Variants in WDPCP observed in about 807,000 individuals in gnomAD.
WDPCP encodes WD repeat containing planar cell polarity effector.
A neutral mutation model predicts 93.1 loss-of-function variants in WDPCP; 71 were observed. That is an observed-to-expected ratio of 0.76 (90% CI 0.63 to 0.93). WDPCP has a LOEUF of 0.93. WDPCP is among the 40% of genes least tolerant of loss of function. The probability of loss-of-function intolerance (pLI) is 0.00; values close to 1 mark genes in which losing one functional copy is unlikely to be tolerated. For missense variants in WDPCP, 844 were observed against 887.4 expected (o/e 0.95, Z 0.62); for synonymous variants, 315 against 315.0 (o/e 1.00, Z 0.00).
At chr2:63,351,170 T>A (rs749249491) in intron 12 of WDPCP, among the ~76,000 whole-genome samples, 1 of 151,944 alleles carries the variant, frequency 6.6e-6, no homozygotes, top group Non-Finnish European at 1.5e-5. Context: ...TTAGTAGAGA[T>A]GGGGTTTTAC....
At chr2:63,555,527 G>A (rs761093441) in intron 1 of WDPCP, among the ~76,000 whole-genome samples, 1 of 152,152 alleles carries the variant, frequency 6.6e-6, no homozygotes, top group Non-Finnish European at 1.5e-5. Flanking sequence ...CGGATCCCGT[G>A]CCTCCTGACT....
rs796520607 is a variant in WDPCP at position 63,562,133 on chromosome 2, A to G, written c.75+26064T>C. Among the ~76,000 whole-genome samples the G allele has an allele frequency of 1.4e-4, 22 of 152,360 alleles. 1 individual carries two copies. The highest frequency in any genetic ancestry group is 3.8e-4 in the African/African-American group (16 of 41,594). ...ATGGAATTAGTCCAAATGCCCATCA[A>G]TGATAGACTGGATAAAGAAAATGTG... On this transcript the variant is annotated intron_variant, in intron 1 of 17. Coordinates refer to ENST00000272321, the MANE Select transcript of WDPCP (RefSeq NM_015910.7).
At chr2:63,506,899 G>A (rs1391904119) in intron 1 of WDPCP, among the ~76,000 whole-genome samples, 1 of 151,890 alleles carries the variant, frequency 6.6e-6, no homozygotes, top group African/African-American at 2.4e-5. Context: ...ATAAAAATAT[G>A]AGAGCCAAAA....
chr2:63,300,932 A>T (rs1225816002), intron 13 of WDPCP, among the ~76,000 whole-genome samples: 1 of 151,746 alleles, frequency 6.6e-6, no homozygotes, highest in African/African-American at 2.4e-5. Flanking sequence ...TTTGGTCTGG[A>T]GAGCATGTGG....
At chr2:63,641,112 TC>T (rs1325660403) in intron 3 of WDPCP, among the ~76,000 whole-genome samples, 1 of 152,210 alleles carries the variant, frequency 6.6e-6, no homozygotes, top group Non-Finnish European at 1.5e-5. Flanking sequence ...AACATAATGA[TC>T]TTTGGTTCCA....
chr2:63,794,595 A>AGTT (rs1192034115), intron 2 of WDPCP, among the ~76,000 whole-genome samples: 3 of 152,216 alleles, frequency 2.0e-5, no homozygotes, highest in African/African-American at 7.2e-5. Flanking sequence ...CCTTAGGATA[A>AGTT]GCCTGATATT....
chr2:63,541,748 C>T (rs1704747884), intron 1 of WDPCP, among the ~76,000 whole-genome samples: 1 of 152,096 alleles, frequency 6.6e-6, no homozygotes, highest in South Asian at 2.1e-4. Context: ...AGACCACAGA[C>T]CAACCTGCTT....
intron 2 of WDPCP, among the ~76,000 whole-genome samples, chr2:63,711,305 C>A (rs72889356): frequency 2.2e-3 from 334 of 152,090 alleles, no homozygotes; most frequent in African/African-American, 7.7e-3. Context: ...TAAGGTAGTA[C>A]CAGTAAAGTT....
chr2:63,607,739 A>G (rs1359710800), intron 3 of WDPCP, among the ~76,000 whole-genome samples: 2 of 148,294 alleles, frequency 1.3e-5, no homozygotes, highest in Admixed American at 6.8e-5. Flanking sequence ...CTGAGGCAGG[A>G]GAATGGCGTG....
chr2:63,825,889 A>C (rs1471991642), intron 1 of WDPCP, among the ~76,000 whole-genome samples: 1 of 152,158 alleles, frequency 6.6e-6, no homozygotes, highest in African/African-American at 2.4e-5. Flanking sequence ...GAATTGGAAT[A>C]TTTGTGAACA....
At chr2:63,577,108 G>T (rs1017560668) in intron 1 of WDPCP, among the ~76,000 whole-genome samples, 14 of 152,138 alleles carry the variant, frequency 9.2e-5, no homozygotes, top group African/African-American at 3.4e-4. Flanking sequence ...CATTTTAGAT[G>T]CATATTTCAA....
chr2:63,170,187 C>A (rs1162803958), intron 15 of WDPCP, among the ~76,000 whole-genome samples: 3 of 151,776 alleles, frequency 2.0e-5, no homozygotes, highest in East Asian at 1.9e-4. Context: ...AGCCACCACA[C>A]CTGGACAATT....
chr2:63,613,664 C>A (rs1208785115), intron 3 of WDPCP, among the ~76,000 whole-genome samples: 1 of 152,190 alleles, frequency 6.6e-6, no homozygotes. Flanking sequence ...CATTATTCAC[C>A]ACTTCCACTG....
intron 12 of WDPCP, among the ~76,000 whole-genome samples, chr2:63,348,018 A>G (rs879713194): frequency 6.6e-6 from 1 of 152,202 alleles, no homozygotes; most frequent in Non-Finnish European, 1.5e-5. Flanking sequence ...AACTAATGAC[A>G]TTAGTCTTTC....
intron 8 of WDPCP, among the ~76,000 whole-genome samples, chr2:63,435,815 G>A (rs1257507397): frequency 6.6e-6 from 1 of 152,018 alleles, no homozygotes; most frequent in Non-Finnish European, 1.5e-5. Context: ...GTTTTCCGAA[G>A]GGAAACAGAT....
In WDPCP at chr2:63,724,352, A is replaced by G. The variant is rs1373694181; in HGVS notation, n.309-73514T>C. On this transcript the variant is annotated intron_variant and non_coding_transcript_variant, in intron 2 of 4. Coordinates refer to the WDPCP transcript ENST00000467687. ...CTTCTAAACTACTGAAGGGCAAAAA[A>G]TGCAATCTTTGAAAGAATTTCATCA... Among the ~76,000 whole-genome samples, 4 of 152,152 alleles carry G rather than the reference A, an allele frequency of 2.6e-5. No homozygotes were observed. The South Asian group carries it at 8.3e-4, about 32-fold the overall frequency.
At chr2:63,623,529 G>T (rs974514518) in intron 3 of WDPCP, among the ~76,000 whole-genome samples, 2 of 151,926 alleles carry the variant, frequency 1.3e-5, no homozygotes, top group Non-Finnish European at 2.9e-5. Context: ...AAAAGAAGGG[G>T]TTGCATTCCT....
chr2:63,654,551 G>T (rs1269004369), intron 2 of WDPCP, among the ~76,000 whole-genome samples: 2 of 152,128 alleles, frequency 1.3e-5, no homozygotes, highest in African/African-American at 4.8e-5. Flanking sequence ...GGAAAAGCTT[G>T]ATGTGAAAGG....
In WDPCP at chr2:63,427,009, TA is replaced by T. The variant is rs1476132191; in HGVS notation, c.825+6735del. 4.6e-5 allele frequency among the ~76,000 whole-genome samples: 7 copies of T among 152,060 alleles called. No individual in the cohort carries two copies. The East Asian group carries it at 7.7e-4, about 17-fold the overall frequency. On this transcript the variant is annotated intron_variant, in intron 9 of 17. Transcript: ENST00000272321. ...AAAGAAGGGTATTACATAATAACAA[TA>T]AAAAAAGGTTCGATTCAACAAGATG...
Sources: allele counts gnomAD v4.1 joint callset (sites outside exome capture counted in the v4.1 genomes callset), GRCh38; gene constraint gnomAD v4.1.1; transcripts MANE v1.5; gene names NCBI Gene and HGNC (gene_info 2026-07-23, HGNC 2026-07-21).